NOTCH3: variants seen among roughly 807,000 people sequenced by gnomAD.
The protein encoded by NOTCH3 is neurogenic locus notch homolog protein 3.
Under a neutral mutation model 213.3 loss-of-function variants are expected in NOTCH3, and 86 were observed. The ratio of observed to expected loss-of-function variants is 0.40; its 90% confidence interval spans 0.34 to 0.48. The LOEUF (loss-of-function observed/expected upper bound fraction) is 0.48, where lower values mean the gene tolerates loss of function less well. NOTCH3 is among the 20% of genes least tolerant of loss of function. NOTCH3 has a pLI of 0.57. For synonymous variants in NOTCH3, 1,354 were observed against 1,355.9 expected, an observed-to-expected ratio of 1.00 and a Z score of 0.03; for missense variants, 2,783 against 3,272.6, an observed-to-expected ratio of 0.85 and a Z score of 3.65.
In NOTCH3 at chr19:15,160,306, TA is replaced by T. The variant is rs59869411; in HGVS notation, c.*355del. On this transcript the variant is annotated 3_prime_UTR_variant, in exon 33 of 33. Coordinates refer to ENST00000263388, the MANE Select transcript of NOTCH3 (RefSeq NM_000435.3). ...AATGAATTTGTTTCTATACAAAATG[TA>T]AAAAAAAAAAGAAAAATAAAAATAA... 3,633 of 192,680 alleles carry T rather than the reference TA, an allele frequency of 0.019. No individual in the cohort carries two copies. Among genetic ancestry groups the T allele is most frequent in the Middle Eastern group, 0.053 (30 of 568 alleles). The allele number at this position is 192,680 out of a possible 1,614,324, so 11.9% of individuals were successfully genotyped here. A position where few individuals can be genotyped will look rare whatever the true frequency, so the allele number is the denominator to read the frequency against.
chr19:15,189,808 C>G (rs111625771), intron 6 of NOTCH3, among the ~76,000 whole-genome samples: 1,984 of 152,194 alleles, frequency 0.013, 16 homozygotes, highest in Non-Finnish European at 0.019. Flanking sequence ...CGTGAGCCAC[C>G]GCGCCCGGCC....
In NOTCH3 at chr19:15,185,226, T is replaced by C. The variant is rs2046871275; in HGVS notation, c.2296+31A>G. 1 of 1,611,410 alleles carries C rather than the reference T, an allele frequency of 6.2e-7. No homozygotes were observed. ...GAGATGAGAAGGCCCATGGTGTTGG[T>C]GGGGCTGCAGAGGGAAGGTGAGGTA... On this transcript the variant is annotated intron_variant, in intron 14 of 32. Transcript: ENST00000263388. The surrounding 1 kb of genome is among the most constrained non-coding windows in gnomAD (Gnocchi z 4.2).
chr19:15,180,295 C>T (rs1380075459), intron 19 of NOTCH3, 39 bp from the exon 20 acceptor site: 2 of 1,604,560 alleles, frequency 1.2e-6, no homozygotes, highest in South Asian at 1.1e-5. Flanking sequence ...GAGGTAACCC[C>T]ATACATCCCC....
At chr19:15,163,156 T>G (rs972386275) in intron 31 of NOTCH3, among the ~76,000 whole-genome samples, 1 of 152,130 alleles carries the variant, frequency 6.6e-6, no homozygotes, top group African/African-American at 2.4e-5. Flanking sequence ...CCACCAGCCT[T>G]GGCCTCCCAA....
At position 15,185,408 on chromosome 19, in the gene NOTCH3, C is replaced by T; in HGVS notation, c.2145G>A (p.Gly715=). The change falls in exon 14 of 33, where the codon GGG becomes GGA. Residue 715 remains glycine, a splice_region_variant and synonymous_variant. Coordinates refer to ENST00000263388, the MANE Select transcript of NOTCH3 (RefSeq NM_000435.3). This position sits in a 1 kb window ranked among gnomAD's most constrained non-coding sequence, Gnocchi z 4.2. ...AGCCAGGCTCACACACACAGCGGAA[C>T]CTGGCAGGGGAAGGTAGTCAGGCCA... ...SHGICYDAPG[G]FRCVCEPGWS... 6.2e-7 allele frequency: 1 copy of T among 1,612,212 alleles called. No individual in the cohort carries two copies. The highest frequency in any genetic ancestry group is 8.5e-7 in the Non-Finnish European group (1 of 1,179,456).
intron 1 of NOTCH3, among the ~76,000 whole-genome samples, chr19:15,198,491 C>T (rs1004566807): frequency 6.6e-6 from 1 of 152,168 alleles, no homozygotes; most frequent in Non-Finnish European, 1.5e-5. Context: ...TGGCTCACGC[C>T]TCTAATCCCA....
rs781408452 is a variant in NOTCH3, at chr19:15,181,146, C to G, written c.2809G>C (p.Gly937Arg). ...GAGTTCACGCCGTCCACACAGGTCC[C>G]GCCATTGAAGCAGGAGCTGGAGCGG... is the stretch of plus-strand genomic sequence containing the variant. ...DCSPSSCFNG[G>R]TCVDGVNSFS... Residue 937 changes from glycine to arginine, a missense_variant, in exon 18 of 33, where the codon GGG becomes CGG. Gly to Arg is a moderately radical substitution (Grantham distance 125, BLOSUM62 -2). Transcript: ENST00000263388. 1.2e-6 allele frequency: 2 copies of G among 1,611,024 alleles called. No individual in the cohort carries two copies. The highest frequency in any genetic ancestry group is 1.7e-6 in the Non-Finnish European group (2 of 1,179,244).
In NOTCH3 at chr19:15,161,263, G is replaced by A. The variant is rs898965096; in HGVS notation, c.6365C>T (p.Pro2122Leu). The A allele has an allele frequency of 5.2e-6, 8 of 1,545,658 alleles. No individual in the cohort carries two copies. The highest frequency in any genetic ancestry group is 7.0e-6 in the Non-Finnish European group (8 of 1,149,022). The change falls in exon 33 of 33, where the codon CCC (proline) becomes CTC (leucine). Residue 2122 changes from proline (P) to leucine (L), a missense_variant. By Grantham distance (98) the Pro-to-Leu change is moderately conservative. Coordinates refer to ENST00000263388, the MANE Select transcript of NOTCH3 (RefSeq NM_000435.3). ...GGPPASPGGF[P>L]LEGPYAAATA... Reference sequence around the variant, plus strand: ...GGCAGCTGCATAGGGCCCCTCAAGGGGGAAGCCACCAGGGGAAGCAGGGGG... The same window carrying A: ...GGCAGCTGCATAGGGCCCCTCAAGGAGGAAGCCACCAGGGGAAGCAGGGGG...
chr19:15,197,668 C>T (rs568300135), intron 1 of NOTCH3, 90 bp from the exon 2 acceptor site: 51 of 1,125,944 alleles, frequency 4.5e-5, no homozygotes, highest in Admixed American at 1.0e-4. Context: ...CTCCACCAGG[C>T]AACAGCTGCA....
intron 28 of NOTCH3, among the ~76,000 whole-genome samples, chr19:15,168,265 T>C (rs1340803040): frequency 6.6e-6 from 1 of 152,158 alleles, no homozygotes; most frequent in African/African-American, 2.4e-5. Flanking sequence ...GCCACCCCTT[T>C]AATACCTCTA....
At chr19:15,187,783 C>A in intron 10 of NOTCH3, 98 bp downstream of exon 10, 16 of 994,096 alleles carry the variant, frequency 1.6e-5, no homozygotes, top group Non-Finnish European at 2.3e-5. Context: ...TGCCTTGCTA[C>A]AACCCCGCCC....
intron 25 of NOTCH3, among the ~76,000 whole-genome samples, chr19:15,173,639 G>C (rs944329046): frequency 6.6e-6 from 1 of 151,190 alleles, no homozygotes; most frequent in Non-Finnish European, 1.5e-5. Flanking sequence ...CTGAGGCAGA[G>C]AATTGCTTGA....
At chr19:15,177,090 A>T (rs1568353676) in intron 24 of NOTCH3, among the ~76,000 whole-genome samples, 1 of 141,970 alleles carries the variant, frequency 7.0e-6, no homozygotes, top group Non-Finnish European at 1.5e-5. Context: ...AAAAAAAAAA[A>T]AAAAGGAATT....
Position 15,185,203 on chromosome 19 carries a change from G to C in NOTCH3, c.2296+54C>G. 4 of 1,597,382 alleles carry C rather than the reference G, an allele frequency of 2.5e-6. No individual in the cohort carries two copies. Among genetic ancestry groups the C allele is most frequent in the Non-Finnish European group, 3.4e-6 (4 of 1,166,226 alleles). On this transcript the variant is annotated intron_variant, in intron 14 of 32. Coordinates refer to ENST00000263388, the MANE Select transcript of NOTCH3 (RefSeq NM_000435.3). This position sits in a 1 kb window ranked among gnomAD's most constrained non-coding sequence, Gnocchi z 4.2. ...GGAGGAGAGAGTAGAGGAGAAGAGA[G>C]ATGAGAAGGCCCATGGTGTTGGTGG...
intron 2 of NOTCH3, 88 bp from the exon 3 acceptor site, chr19:15,192,607 G>A: frequency 1.3e-6 from 2 of 1,504,088 alleles, no homozygotes; most frequent in South Asian, 1.2e-5. Flanking sequence ...GAAACACGCA[G>A]GGAAACAGAG....
rs368273331 is a variant in NOTCH3 at position 15,174,477 on chromosome 19, G to A, written c.4404-77C>T. 1.1e-5 allele frequency: 12 copies of A among 1,063,730 alleles called. No individual in the cohort carries two copies. The African/African-American group carries it at 1.3e-4, about 11-fold the overall frequency. 65.9% of individuals were successfully genotyped at this position (1,063,730 alleles called of 1,614,324 possible). On this transcript the variant is annotated intron_variant, in intron 24 of 32. Transcript: ENST00000263388. ...CAATCCCCTTCCATGCATTCACACC[G>A]TAGAGTACAGAGACTCCAGACAAGG...
intron 28 of NOTCH3, among the ~76,000 whole-genome samples, chr19:15,169,271 T>A (rs58249874): frequency 0.11 from 17,171 of 151,278 alleles, 3,002 homozygotes; most frequent in African/African-American, 0.38. Context: ...GAGGCTACAG[T>A]GAGAAGGCGG....
rs775477093 is a variant in NOTCH3, at chr19:15,184,465, C to T, written c.2411-15G>A. 2 of 1,613,356 alleles carry T rather than the reference C, an allele frequency of 1.2e-6. No homozygotes were observed. The highest frequency in any genetic ancestry group is 1.7e-6 in the Non-Finnish European group (2 of 1,179,658). ...GCATCGTGGGCCTGGGGGTAGGGAG[C>T]AAGGTTACACCTAGGGTTACAGGGT... is the stretch of plus-strand genomic sequence containing the variant. On this transcript the variant is annotated splice_polypyrimidine_tract_variant and intron_variant, in intron 15 of 32. Coordinates refer to ENST00000263388, the MANE Select transcript of NOTCH3 (RefSeq NM_000435.3).
intron 6 of NOTCH3, among the ~76,000 whole-genome samples, 162 bp from the exon 7 acceptor site, chr19:15,189,590 C>T (rs946110178): frequency 1.3e-5 from 2 of 152,244 alleles, no homozygotes; most frequent in African/African-American, 4.8e-5. Context: ...GCGATCTTGG[C>T]TCACTGTAAC....
Sources: allele counts gnomAD v4.1 joint callset (sites outside exome capture counted in the v4.1 genomes callset), GRCh38; gene constraint gnomAD v4.1.1; non-coding constraint Gnocchi (gnomAD v3.1); transcripts MANE v1.5; gene names NCBI Gene and HGNC (gene_info 2026-07-23, HGNC 2026-07-21).